Variants in UTP20 observed in about 807,000 individuals in gnomAD.
The protein encoded by UTP20 is small subunit processome component 20 homolog.
In UTP20, 164 loss-of-function variants were observed where a neutral mutation model predicts 329.5. The observed-to-expected ratio is 0.50, with a 90% CI of 0.44 to 0.57. The LOEUF (loss-of-function observed/expected upper bound fraction) is 0.57, where lower values mean the gene tolerates loss of function less well. Among genes scored for constraint, UTP20 ranks in the 20% least tolerant of loss-of-function variants. UTP20 has a pLI of 0.00. For missense variants in UTP20, 3,055 were observed against 3,284.2 expected (o/e 0.93, Z 1.71); for synonymous variants, 1,151 against 1,159.3 (o/e 0.99, Z 0.14).
At chr12:101,291,571 A>G (rs1237091485) in intron 8 of UTP20, 171 bp from the exon 9 acceptor site, 2 of 483,912 alleles carry the variant, frequency 4.1e-6, no homozygotes, top group Non-Finnish European at 6.7e-6. Context: ...AAGACTTAGA[A>G]CAATGCACTC....
chr12:101,379,561 A>G lies in UTP20; in HGVS notation c.7584+3A>G, dbSNP rs775984109. ...TAGCCAGTGACCTTGACCAAAAGGT[A>G]AGCTTTCTCTCAAACCTTTTCCTTC... On this transcript the variant is annotated splice_donor_region_variant and intron_variant, in intron 57 of 61. Coordinates refer to ENST00000261637, the MANE Select transcript of UTP20 (RefSeq NM_014503.3). 5 of 1,607,670 alleles carry G rather than the reference A, an allele frequency of 3.1e-6. No homozygotes were observed. In the Admixed American group the frequency reaches 8.4e-5, roughly 27 times the overall value.
At chr12:101,286,718 C>T (rs1407727505) in intron 5 of UTP20, among the ~76,000 whole-genome samples, 1 of 151,906 alleles carries the variant, frequency 6.6e-6, no homozygotes, top group Non-Finnish European at 1.5e-5. Flanking sequence ...TATACCCACC[C>T]AAGAAGGCCT....
At chr12:101,284,165 G>C (rs1488454482) in intron 2 of UTP20, among the ~76,000 whole-genome samples, 1 of 152,084 alleles carries the variant, frequency 6.6e-6, no homozygotes, top group African/African-American at 2.4e-5. Flanking sequence ...GTGTGATGCT[G>C]AGGTTTGGAG....
At chr12:101,370,306 C>A in intron 49 of UTP20, 126 bp from the exon 50 acceptor site, 2 of 1,188,354 alleles carry the variant, frequency 1.7e-6, no homozygotes, top group South Asian at 1.8e-5. Flanking sequence ...GAGTAATTTG[C>A]CAAGGCTAGA....
rs1243649469 is a variant in UTP20, at chr12:101,306,755, A to C, written c.1989A>C (p.Ser663=). The change falls in exon 17 of 62, where the codon TCA becomes TCC. Residue 663 remains serine (S), a synonymous_variant. Coordinates refer to ENST00000261637, the MANE Select transcript of UTP20 (RefSeq NM_014503.3). ...ATTTTGATGTCCAGCTTCCAGAATC[A>C]ATGGAGGTATTTTAACTGTTTGAGT... ...LNHFDVQLPE[S]MEDDGLSERQ... 3 of 1,604,774 alleles carry C rather than the reference A, an allele frequency of 1.9e-6. No homozygotes were observed. Among genetic ancestry groups the C allele is most frequent in the Non-Finnish European group, 2.6e-6 (3 of 1,175,080 alleles).
In UTP20 at chr12:101,352,197, G is replaced by A; in HGVS notation, c.5024+3G>A. 2 of 1,603,724 alleles carry A rather than the reference G, an allele frequency of 1.2e-6. No homozygotes were observed. Among genetic ancestry groups the A allele is most frequent in the East Asian group, 2.2e-5 (1 of 44,784 alleles). On this transcript the variant is annotated splice_donor_region_variant and intron_variant, in intron 39 of 61. Transcript: ENST00000261637. ...ATCAATCAAAAACTGGGTGTCAGGT[G>A]TGGTCAAACTTCTTATTTTTGTTTT...
intron 36 of UTP20, 31 bp from the exon 37 acceptor site, chr12:101,345,523 A>G: frequency 2.0e-5 from 27 of 1,361,360 alleles, no homozygotes; most frequent in Non-Finnish European, 2.7e-5. Context: ...TTTTTAAAAT[A>G]AAATGTTTTT....
intron 6 of UTP20, among the ~76,000 whole-genome samples, chr12:101,289,313 G>T (rs1872061939): frequency 6.6e-6 from 1 of 151,974 alleles, no homozygotes; most frequent in South Asian, 2.1e-4. Flanking sequence ...GGAGGTGGAA[G>T]TTGCAGTGAG....
intron 27 of UTP20, among the ~76,000 whole-genome samples, chr12:101,331,561 C>T (rs903336671): frequency 6.6e-6 from 1 of 152,166 alleles, no homozygotes; most frequent in African/African-American, 2.4e-5. Context: ...CTGAGGCTTG[C>T]TCAGCAAACT....
chr12:101,365,672 TAAG>T (rs1870074701), intron 46 of UTP20, 47 bp downstream of exon 46: 1 of 1,451,932 alleles, frequency 6.9e-7, no homozygotes, highest in South Asian at 1.5e-5. Flanking sequence ...CTGCGTCTGA[TAAG>T]CCATTCTGTG....
At chr12:101,324,799 GA>G in intron 25 of UTP20, among the ~76,000 whole-genome samples, 1 of 152,230 alleles carries the variant, frequency 6.6e-6, no homozygotes, top group Non-Finnish European at 1.5e-5. Flanking sequence ...GATTTGAGGA[GA>G]AGTTGCATCA....
chr12:101,298,785 T>C (rs1227521996), intron 12 of UTP20, among the ~76,000 whole-genome samples: 1 of 152,120 alleles, frequency 6.6e-6, no homozygotes, highest in African/African-American at 2.4e-5. Flanking sequence ...AACTTAGTTA[T>C]CTATCATGAT....
intron 52 of UTP20, 48 bp from the exon 53 acceptor site, chr12:101,373,353 T>C (rs774443710): frequency 5.2e-5 from 79 of 1,515,262 alleles, no homozygotes; most frequent in Non-Finnish European, 6.5e-5. Flanking sequence ...AATAATTATT[T>C]GTAAATTTAG....
intron 38 of UTP20, among the ~76,000 whole-genome samples, chr12:101,349,896 T>C (rs929672181): frequency 4.6e-5 from 7 of 152,126 alleles, no homozygotes; most frequent in African/African-American, 1.7e-4. Flanking sequence ...CTTTTTTTTT[T>C]CTGGGTTTCA....
Position 101,338,969 on chromosome 12 carries a change from G to A in UTP20, c.4013+12G>A, listed in dbSNP as rs200344628. ...GGCATTCTTTCAAAGTAAGTGATAT[G>A]TTGATACTTAAAAGATAACATTACC... On this transcript the variant is annotated intron_variant, in intron 31 of 61. Coordinates refer to ENST00000261637, the MANE Select transcript of UTP20 (RefSeq NM_014503.3). 2.6e-4 allele frequency: 414 copies of A among 1,571,514 alleles called. 1 individual carries two copies. The African/African-American group carries it at 5.3e-3, about 20-fold the overall frequency.
At chr12:101,374,978 T>C (rs755700940) in intron 55 of UTP20, 39 bp downstream of exon 55, 21 of 1,498,058 alleles carry the variant, frequency 1.4e-5, no homozygotes, top group African/African-American at 1.1e-4. Flanking sequence ...TTCTAACTTA[T>C]AGTTTTACTT....
At chr12:101,377,794 A>G (rs1032376599) in intron 56 of UTP20, among the ~76,000 whole-genome samples, 1 of 152,170 alleles carries the variant, frequency 6.6e-6, no homozygotes, top group Non-Finnish European at 1.5e-5. Context: ...CAGACTTTTA[A>G]TTTGCGTATT....
chr12:101,317,930 G>T (rs1213836010), intron 22 of UTP20, among the ~76,000 whole-genome samples: 1 of 152,138 alleles, frequency 6.6e-6, no homozygotes, highest in Non-Finnish European at 1.5e-5. Context: ...TTATAGATGA[G>T]AACTTTGGGA....
chr12:101,291,712 T>C (rs1872160683), intron 8 of UTP20, 30 bp from the exon 9 acceptor site: 1 of 1,535,484 alleles, frequency 6.5e-7, no homozygotes, highest in Non-Finnish European at 8.7e-7. Context: ...TGATACTTTA[T>C]ATTCTCTCTG....
Sources: gnomAD v4.1 joint callset for allele counts (sites outside exome capture counted in the v4.1 genomes callset) on GRCh38, gnomAD v4.1.1 for gene constraint, MANE v1.5 for transcripts, NCBI Gene and HGNC (gene_info 2026-07-23, HGNC 2026-07-21) for gene names.